RFTN1: variants seen among roughly 807,000 people sequenced by gnomAD.
RFTN1 encodes the protein raftlin.
Under a neutral mutation model 46.5 loss-of-function variants are expected in RFTN1, and 26 were observed. The ratio of observed to expected loss-of-function variants is 0.56; its 90% CI spans 0.41 to 0.78. The LOEUF (loss-of-function observed/expected upper bound fraction) is 0.78. Among genes scored for constraint, RFTN1 ranks in the 30% least tolerant of loss-of-function variants. The pLI, the probability that RFTN1 is intolerant of heterozygous loss-of-function variation, is 0.00. For missense variants in RFTN1, 693 were observed against 718.7 expected, an observed-to-expected ratio of 0.96 and a Z score of 0.41; for synonymous variants, 261 against 284.2, an observed-to-expected ratio of 0.92 and a Z score of 0.82.
intron 8 of RFTN1, among the ~76,000 whole-genome samples, chr3:16,324,646 T>TAGTGTGTG (rs2069499946): frequency 1.0e-5 from 1 of 100,434 alleles, no homozygotes; most frequent in Admixed American, 1.1e-4. Flanking sequence ...TAGTATTCCA[T>TAGTGTGTG]TGTGTGTGTG....
At chr3:16,477,128 C>T (rs757017653) in intron 2 of RFTN1, among the ~76,000 whole-genome samples, 2 of 152,214 alleles carry the variant, frequency 1.3e-5, no homozygotes, top group South Asian at 4.1e-4. Flanking sequence ...CACACTCCTG[C>T]TCACATGGCA....
rs1040541200 is a variant in RFTN1, at chr3:16,374,845, C to G, written c.826+2873G>C. Reference sequence around the variant, plus strand: ...TAAGTCAGCGAGCAGGAAGAGGAACCCACGGCGGGCCTCCCCAAGAACCTG... The same window carrying G: ...TAAGTCAGCGAGCAGGAAGAGGAACGCACGGCGGGCCTCCCCAAGAACCTG... On this transcript the variant is annotated intron_variant, in intron 5 of 9. Coordinates refer to ENST00000334133, the MANE Select transcript of RFTN1 (RefSeq NM_015150.2). The surrounding 1 kb of genome is among the most constrained non-coding windows in gnomAD (Gnocchi z 5.4). Among the ~76,000 whole-genome samples, 1 of 152,114 alleles carries G rather than the reference C, an allele frequency of 6.6e-6. No individual in the cohort carries two copies. Among genetic ancestry groups the G allele is most frequent in the African/African-American group, 2.4e-5 (1 of 41,432 alleles).
Position 16,443,750 on chromosome 3 carries a change from A to ACACACACAC in RFTN1, c.146-9714_146-9713insGTGTGTGTG. On this transcript the variant is annotated intron_variant, in intron 2 of 9. Transcript: ENST00000334133. The surrounding 1 kb of genome is among the most constrained non-coding windows in gnomAD (Gnocchi z 5.5). Reference sequence around the variant, plus strand: ...CACACATAGTCAATGAATTACACACAACACACACACACACACACACACACA... The same window carrying ACACACACAC: ...CACACATAGTCAATGAATTACACACACACACACACACACACACACACACACACACACACA... 6.8e-6 allele frequency among the ~76,000 whole-genome samples: 1 copy of ACACACACAC among 146,040 alleles called. No individual in the cohort carries two copies. The highest frequency in any genetic ancestry group is 3.4e-3 in the Middle Eastern group (1 of 294).
At chr3:16,493,657 C>CCCCCAA in intron 2 of RFTN1, 68 bp downstream of exon 2, 1 of 1,337,748 alleles carries the variant, frequency 7.5e-7, no homozygotes, top group Non-Finnish European at 1.0e-6. Context: ...CCAACTGCAC[C>CCCCCAA]CCCATCCCCT....
At chr3:16,405,532 A>G (rs1299387663) in intron 4 of RFTN1, among the ~76,000 whole-genome samples, 2 of 152,110 alleles carry the variant, frequency 1.3e-5, no homozygotes, top group Non-Finnish European at 2.9e-5. Flanking sequence ...CTCCCTTCAC[A>G]CTCTGAAAAG....
intron 5 of RFTN1, among the ~76,000 whole-genome samples, chr3:16,373,459 C>G (rs1039514143): frequency 4.6e-5 from 7 of 152,220 alleles, no homozygotes; most frequent in African/African-American, 1.7e-4. Flanking sequence ...CAGGCCTTGC[C>G]AGGCTACTAG....
In RFTN1 at chr3:16,442,589, T is replaced by G. The variant is rs2075649320; in HGVS notation, c.146-8552A>C. Among the ~76,000 whole-genome samples, 1 of 152,180 alleles carries G rather than the reference T, an allele frequency of 6.6e-6. No individual in the cohort carries two copies. Among genetic ancestry groups the G allele is most frequent in the Non-Finnish European group, 1.5e-5 (1 of 68,034 alleles). ...AGTTAGTTTTCTTTTTTGTGCGTGGTAAGAGTACCTAAAATCTATTCCCTG... is the reference window on the plus strand; with the variant it reads ...AGTTAGTTTTCTTTTTTGTGCGTGGGAAGAGTACCTAAAATCTATTCCCTG... On this transcript the variant is annotated intron_variant, in intron 2 of 9. Transcript: ENST00000334133. This position sits in a 1 kb window ranked among gnomAD's most constrained non-coding sequence, Gnocchi z 4.1.
chr3:16,476,758 G>A (rs1048015925), intron 2 of RFTN1, among the ~76,000 whole-genome samples: 3 of 152,184 alleles, frequency 2.0e-5, no homozygotes, highest in Non-Finnish European at 2.9e-5. Context: ...GGGGGAAACT[G>A]TTTGTTTACT....
rs541437852 is a variant in RFTN1 at position 16,361,642 on chromosome 3, T to C, written c.1031-3595A>G. 6.6e-6 allele frequency among the ~76,000 whole-genome samples: 1 copy of C among 152,146 alleles called. No individual in the cohort carries two copies. Among genetic ancestry groups the C allele is most frequent in the South Asian group, 2.1e-4 (1 of 4,820 alleles). ...GAACGAAGGACAGCCAAGGACCAGG[T>C]GAGCAGCAGAATCAGGAGAGAAGGT... On this transcript the variant is annotated intron_variant, in intron 6 of 9. Transcript: ENST00000334133. This position sits in a 1 kb window ranked among gnomAD's most constrained non-coding sequence, Gnocchi z 4.3.
chr3:16,496,433 A>G (rs1373464395), intron 1 of RFTN1, among the ~76,000 whole-genome samples: 2 of 152,258 alleles, frequency 1.3e-5, no homozygotes, highest in Non-Finnish European at 2.9e-5. Flanking sequence ...AAATGCCCCA[A>G]CAAACACCCA....
rs1278851688 is a variant in RFTN1 at position 16,335,692 on chromosome 3, T to C, written c.1147-8816A>G. On this transcript the variant is annotated intron_variant, in intron 7 of 9. Coordinates refer to ENST00000334133, the MANE Select transcript of RFTN1 (RefSeq NM_015150.2). The surrounding 1 kb of genome is among the most constrained non-coding windows in gnomAD (Gnocchi z 4.7). ...GATGCTGGGCTTCATACCTAGGTGATAGCCTGATCTGAGCAGCAACACACA... is the reference window on the plus strand; with the variant it reads ...GATGCTGGGCTTCATACCTAGGTGACAGCCTGATCTGAGCAGCAACACACA... Among the ~76,000 whole-genome samples, 1 of 150,762 alleles carries C rather than the reference T, an allele frequency of 6.6e-6. No individual in the cohort carries two copies. The highest frequency in any genetic ancestry group is 1.5e-5 in the Non-Finnish European group (1 of 67,892).
rs1381546716 is a variant in RFTN1 at position 16,475,720 on chromosome 3, G to C, written c.145+18005C>G. On this transcript the variant is annotated intron_variant, in intron 2 of 9. Coordinates refer to ENST00000334133, the MANE Select transcript of RFTN1 (RefSeq NM_015150.2). The surrounding 1 kb of genome is among the most constrained non-coding windows in gnomAD (Gnocchi z 4.2). Reference sequence around the variant, plus strand: ...GAATCACTGAGGATTGAGATCCCTAGGTTATTCCACCGGGTAATAAATAAA... The same window carrying C: ...GAATCACTGAGGATTGAGATCCCTACGTTATTCCACCGGGTAATAAATAAA... Among the ~76,000 whole-genome samples, 1 of 152,164 alleles carries C rather than the reference G, an allele frequency of 6.6e-6. No homozygotes were observed. Among genetic ancestry groups the C allele is most frequent in the African/African-American group, 2.4e-5 (1 of 41,426 alleles).
At chr3:16,501,630 A>AT (rs1181133107) in intron 1 of RFTN1, among the ~76,000 whole-genome samples, 1 of 152,162 alleles carries the variant, frequency 6.6e-6, no homozygotes, top group African/African-American at 2.4e-5. Flanking sequence ...TGGCAACCCC[A>AT]TTTTTTATCT....
intron 2 of RFTN1, among the ~76,000 whole-genome samples, chr3:16,487,679 C>T (rs1257650050): frequency 2.6e-5 from 4 of 152,162 alleles, no homozygotes; most frequent in South Asian, 2.1e-4. Flanking sequence ...GATTGCTCTC[C>T]GTGCCAACTG....
At chr3:16,437,171 T>C (rs569238912) in intron 2 of RFTN1, among the ~76,000 whole-genome samples, 8 of 152,252 alleles carry the variant, frequency 5.3e-5, no homozygotes, top group Non-Finnish European at 1.2e-4. Flanking sequence ...TTTATTGCTA[T>C]TGGAATAATA....
At chr3:16,359,457 T>G (rs1374008887) in intron 6 of RFTN1, among the ~76,000 whole-genome samples, 3 of 152,044 alleles carry the variant, frequency 2.0e-5, no homozygotes, top group Admixed American at 2.0e-4. Context: ...TTAACTAGGG[T>G]AGGATGGGGC....
At chr3:16,363,710 G>A (rs532204637) in intron 6 of RFTN1, among the ~76,000 whole-genome samples, 108 of 152,358 alleles carry the variant, frequency 7.1e-4, no homozygotes, top group African/African-American at 2.5e-3. Flanking sequence ...TAAAGACAAA[G>A]TGTTACTGTT....
In RFTN1 at chr3:16,504,913, C is replaced by T. The variant is rs967005783; in HGVS notation, c.-9+8529G>A. ...TTGCTCTTCCTCCTGCATTTCTCGT[C>T]TCTGGGTGGTACCACTGCCCTCCCA... On this transcript the variant is annotated intron_variant, in intron 1 of 9. Coordinates refer to ENST00000334133, the MANE Select transcript of RFTN1 (RefSeq NM_015150.2). This position sits in a 1 kb window ranked among gnomAD's most constrained non-coding sequence, Gnocchi z 4.4. Among the ~76,000 whole-genome samples the T allele has an allele frequency of 2.0e-5, 3 of 152,202 alleles. No individual in the cohort carries two copies. Among genetic ancestry groups the T allele is most frequent in the African/African-American group, 7.2e-5 (3 of 41,438 alleles).
rs1300164503 is a variant in RFTN1 at position 16,348,772 on chromosome 3, A to AT, written c.1146+9159dup. Among the ~76,000 whole-genome samples, 1 of 151,952 alleles carries AT rather than the reference A, an allele frequency of 6.6e-6. No individual in the cohort carries two copies. The highest frequency in any genetic ancestry group is 6.6e-5 in the Admixed American group (1 of 15,264). On this transcript the variant is annotated intron_variant, in intron 7 of 9. Coordinates refer to ENST00000334133, the MANE Select transcript of RFTN1 (RefSeq NM_015150.2). The surrounding 1 kb of genome is among the most constrained non-coding windows in gnomAD (Gnocchi z 6.3). Reference sequence around the variant, plus strand: ...TCACCATCTCAAGTGGTTCTTTCTCATTTTTTATGTACTCTTTCATGGATT... The same window carrying AT: ...TCACCATCTCAAGTGGTTCTTTCTCATTTTTTTATGTACTCTTTCATGGATT...
Sources: allele counts gnomAD v4.1 joint callset (sites outside exome capture counted in the v4.1 genomes callset), GRCh38; gene constraint gnomAD v4.1.1; non-coding constraint Gnocchi (gnomAD v3.1); transcripts MANE v1.5; gene names NCBI Gene and HGNC (gene_info 2026-07-23, HGNC 2026-07-21).